YWHAQ: variants seen among roughly 807,000 people sequenced by gnomAD.
YWHAQ encodes 14-3-3 protein theta.
Under a neutral mutation model 28.3 loss-of-function variants are expected in YWHAQ, and 6 were observed. That is an observed-to-expected ratio of 0.21 (90% CI 0.12 to 0.42). The LOEUF is 0.42. Among genes scored for constraint, YWHAQ ranks in the 10% least tolerant of loss-of-function variants. YWHAQ has a pLI of 1.00. For missense variants in YWHAQ, 201 were observed against 305.6 expected, an observed-to-expected ratio of 0.66 and a Z score of 2.55; for synonymous variants, 143 against 119.1, an observed-to-expected ratio of 1.20 and a Z score of -1.31.
chr2:9,587,215 C>A (rs553458953), intron 5 of YWHAQ, among the ~76,000 whole-genome samples, 199 bp downstream of exon 5: 2 of 152,164 alleles, frequency 1.3e-5, no homozygotes, highest in African/African-American at 4.8e-5. Flanking sequence ...CATGTTAGAA[C>A]CTTCTCAGGA....
At chr2:9,592,217 C>T (rs1666470425) in intron 2 of YWHAQ, among the ~76,000 whole-genome samples, 1 of 152,080 alleles carries the variant, frequency 6.6e-6, no homozygotes, top group Non-Finnish European at 1.5e-5. Context: ...TAGAAACTTG[C>T]ACAGCAATTT....
At chr2:9,589,752 G>A (rs1011845968) in intron 3 of YWHAQ, among the ~76,000 whole-genome samples, 4 of 152,042 alleles carry the variant, frequency 2.6e-5, no homozygotes, top group Non-Finnish European at 5.9e-5. Flanking sequence ...TCAATAAATA[G>A]GACAAAATCT....
chr2:9,630,026 G>A lies in YWHAQ; in HGVS notation c.294+133C>T, dbSNP rs1270707484. 5.1e-6 allele frequency: 6 copies of A among 1,181,304 alleles called. No homozygotes were observed. Among genetic ancestry groups the A allele is most frequent in the African/African-American group, 1.5e-5 (1 of 65,358 alleles). The allele number at this position is 1,181,304 out of a possible 1,614,324, so 73.2% of individuals were successfully genotyped here. A position where few individuals can be genotyped will look rare whatever the true frequency, so the allele number is the denominator to read the frequency against. Reference sequence around the variant, plus strand: ...CGGAGGGACACAGTAGGGAAGTCAGGGCTCACCTAAAACCCTCCACCCCAG... The same window carrying A: ...CGGAGGGACACAGTAGGGAAGTCAGAGCTCACCTAAAACCCTCCACCCCAG... On this transcript the variant is annotated intron_variant, in intron 2 of 5. Coordinates refer to ENST00000238081, the MANE Select transcript of YWHAQ (RefSeq NM_006826.4). This position sits in a 1 kb window ranked among gnomAD's most constrained non-coding sequence, Gnocchi z 5.6.
chr2:9,615,671 A>G (rs1160696381), intron 2 of YWHAQ, among the ~76,000 whole-genome samples: 1 of 152,172 alleles, frequency 6.6e-6, no homozygotes, highest in Admixed American at 6.5e-5. Flanking sequence ...AAAAGGGAGC[A>G]CACTGGTTGA....
Position 9,585,259 on chromosome 2 carries a change from G to A in YWHAQ, c.*27C>T. ...AGATGTGTAAAAAGGTTTCTTGAAGGAAAGAAGGATGACACCCTGTATGGA... is the reference window on the plus strand; with the variant it reads ...AGATGTGTAAAAAGGTTTCTTGAAGAAAAGAAGGATGACACCCTGTATGGA... On this transcript the variant is annotated 3_prime_UTR_variant, in exon 6 of 6. Coordinates refer to ENST00000238081, the MANE Select transcript of YWHAQ (RefSeq NM_006826.4). 1 of 1,613,550 alleles carries A rather than the reference G, an allele frequency of 6.2e-7. No homozygotes were observed. Among genetic ancestry groups the A allele is most frequent in the South Asian group, 1.1e-5 (1 of 91,064 alleles).
intron 2 of YWHAQ, among the ~76,000 whole-genome samples, chr2:9,618,508 G>A (rs182592362): frequency 6.6e-6 from 1 of 151,984 alleles, no homozygotes; most frequent in East Asian, 1.9e-4. Flanking sequence ...AGTTGTCTTT[G>A]TTTCATTTTC....
intron 5 of YWHAQ, among the ~76,000 whole-genome samples, chr2:9,585,708 C>G (rs1358370371): frequency 1.3e-5 from 2 of 152,076 alleles, no homozygotes; most frequent in African/African-American, 4.8e-5. Context: ...AGGAGTTCAA[C>G]AGCCTGGACA....
chr2:9,611,105 A>C (rs1433717481), intron 2 of YWHAQ, among the ~76,000 whole-genome samples: 2 of 152,176 alleles, frequency 1.3e-5, no homozygotes, highest in Non-Finnish European at 2.9e-5. Flanking sequence ...GAAAGAAAAG[A>C]TATTTTCTTG....
chr2:9,611,320 C>G (rs1248188289), intron 2 of YWHAQ, among the ~76,000 whole-genome samples: 1 of 152,132 alleles, frequency 6.6e-6, no homozygotes, highest in Non-Finnish European at 1.5e-5. Flanking sequence ...AGTCTATCTG[C>G]CTCCTGAAAG....
Position 9,630,794 on chromosome 2 carries a change from G to A in YWHAQ, c.-83+147C>T, listed in dbSNP as rs1408526329. On this transcript the variant is annotated intron_variant, in intron 1 of 5. Transcript: ENST00000238081. The surrounding 1 kb of genome is among the most constrained non-coding windows in gnomAD (Gnocchi z 5.6). ...CCCGCCCGGCCGGCCCAAGATGGAA[G>A]CGACCGTTGGCCCCGCACCTTCCCG... 1 of 151,174 alleles carries A rather than the reference G, an allele frequency of 6.6e-6. No homozygotes were observed. The highest frequency in any genetic ancestry group is 6.6e-5 in the Admixed American group (1 of 15,148). 9.4% of individuals were successfully genotyped at this position (151,174 alleles called of 1,614,324 possible). A position where few individuals can be genotyped will look rare whatever the true frequency, so the allele number is the denominator to read the frequency against.
intron 2 of YWHAQ, among the ~76,000 whole-genome samples, chr2:9,593,923 T>TATATATACACAC (rs377495113): frequency 1.5e-5 from 2 of 135,152 alleles, no homozygotes; most frequent in African/African-American, 5.8e-5. Context: ...TATATATATA[T>TATATATACACAC]ACACACACAC....
intron 3 of YWHAQ, among the ~76,000 whole-genome samples, chr2:9,588,725 C>T (rs1325156832): frequency 6.6e-6 from 1 of 152,118 alleles, no homozygotes; most frequent in Non-Finnish European, 1.5e-5. Context: ...GAGCCGACAT[C>T]ACACCACTGC....
Position 9,623,774 on chromosome 2 carries a change from AC to A in YWHAQ, c.294+6384del, listed in dbSNP as rs200580206. Among the ~76,000 whole-genome samples the A allele has an allele frequency of 8.3e-3, 1,131 of 136,964 alleles. 12 individuals are homozygous for A. The highest frequency in any genetic ancestry group is 0.026 in the African/African-American group (1,039 of 39,636). 89.9% of individuals were successfully genotyped at this position (136,964 alleles called of 152,430 possible). On this transcript the variant is annotated intron_variant, in intron 2 of 5. Coordinates refer to ENST00000238081, the MANE Select transcript of YWHAQ (RefSeq NM_006826.4). ...GCAACAAGAGCAAAACTCTGTCTCA[AC>A]AAAATAAATAAATAAATAAATAAAA...
At position 9,591,379 on chromosome 2, in the gene YWHAQ, CAAAT is replaced by C. The variant is rs1408415748; in HGVS notation, c.418+9_418+12del. 4 of 1,605,818 alleles carry C rather than the reference CAAAT, an allele frequency of 2.5e-6. No individual in the cohort carries two copies. In the African/African-American group the frequency reaches 5.3e-5, roughly 21 times the overall value. On this transcript the variant is annotated intron_variant, in intron 3 of 5. Coordinates refer to ENST00000238081, the MANE Select transcript of YWHAQ (RefSeq NM_006826.4). ...TTATATTCTACTTTTGCCCATATAA[CAAAT>C]AAACTTACGTTTTCGATCATCACCA...
rs180837149 is a variant in YWHAQ, at chr2:9,613,614, C to T, written c.294+16545G>A. On this transcript the variant is annotated intron_variant, in intron 2 of 5. Coordinates refer to ENST00000238081, the MANE Select transcript of YWHAQ (RefSeq NM_006826.4). ...AATACAAAGAGAAGCAGCATTATCT[C>T]CATGACCCAAATATTTCTCGACATC... 2.8e-4 allele frequency among the ~76,000 whole-genome samples: 42 copies of T among 152,324 alleles called. 2 individuals carry two copies. Among genetic ancestry groups the T allele is most frequent in the Admixed American group, 2.4e-3 (37 of 15,302 alleles).
At position 9,585,226 on chromosome 2, in the gene YWHAQ, A is replaced by C. The variant is rs1459303144; in HGVS notation, c.*60T>G. 1.3e-5 allele frequency: 21 copies of C among 1,576,628 alleles called. No individual in the cohort carries two copies. Among genetic ancestry groups the C allele is most frequent in the Non-Finnish European group, 1.7e-5 (20 of 1,147,402 alleles). ...TGCTATAGGAAATCCAAGTGGAATA[A>C]GGAATGGAGATGTGTAAAAAGGTTT... On this transcript the variant is annotated 3_prime_UTR_variant, in exon 6 of 6. Coordinates refer to ENST00000238081, the MANE Select transcript of YWHAQ (RefSeq NM_006826.4).
chr2:9,611,893 T>C (rs373016960), intron 2 of YWHAQ, among the ~76,000 whole-genome samples: 1 of 152,260 alleles, frequency 6.6e-6, no homozygotes, highest in African/African-American at 2.4e-5. Context: ...GGTCTCAAAC[T>C]CCTGGGCTCA....
chr2:9,629,659 G>A (rs1003404522), intron 2 of YWHAQ, among the ~76,000 whole-genome samples: 1 of 152,120 alleles, frequency 6.6e-6, no homozygotes, highest in Non-Finnish European at 1.5e-5. Context: ...GTGGGGGGGA[G>A]CACAACAGAT....
chr2:9,617,830 A>G (rs1312971652), intron 2 of YWHAQ, among the ~76,000 whole-genome samples: 1 of 151,780 alleles, frequency 6.6e-6, no homozygotes, highest in Non-Finnish European at 1.5e-5. Context: ...GGGAGGCTGA[A>G]GTAGGAGGAT....
Sources: allele counts gnomAD v4.1 joint callset (sites outside exome capture counted in the v4.1 genomes callset), GRCh38; gene constraint gnomAD v4.1.1; non-coding constraint Gnocchi (gnomAD v3.1); transcripts MANE v1.5; gene names NCBI Gene and HGNC (gene_info 2026-07-23, HGNC 2026-07-21).